Variants in TOP2B observed in about 807,000 individuals in gnomAD.
TOP2B encodes the protein DNA topoisomerase II beta.
A neutral mutation model predicts 193.5 loss-of-function variants in TOP2B; 51 were observed. That is an observed-to-expected ratio of 0.26 (90% confidence interval 0.21 to 0.33). TOP2B has a LOEUF of 0.33. TOP2B is among the 10% of genes least tolerant of loss of function. The probability of loss-of-function intolerance (pLI) is 1.00; values close to 1 mark genes in which losing one functional copy is unlikely to be tolerated. For synonymous variants in TOP2B, 634 were observed against 635.7 expected (o/e 1.00, Z 0.04); for missense variants, 1,378 against 1,909.3 (o/e 0.72, Z 5.19).
rs929229637 is a variant in TOP2B at position 25,599,327 on chromosome 3, A to G, written c.4710+108T>C. ...AATACAAGCCCCATATTGATACGAG[A>G]TGCTAGGTGGAAAGCTGTTCCAGGA... is the stretch of plus-strand genomic sequence containing the variant. On this transcript the variant is annotated intron_variant, in intron 35 of 35. Coordinates refer to ENST00000264331, the MANE Select transcript of TOP2B (RefSeq NM_001330700.2). The G allele has an allele frequency of 4.0e-5, 36 of 906,858 alleles. No homozygotes were observed. The African/African-American group carries it at 4.6e-4, about 11-fold the overall frequency. 56.2% of individuals were successfully genotyped at this position (906,858 alleles called of 1,614,324 possible).
chr3:25,664,347 C>A lies in TOP2B; in HGVS notation c.-50G>T. The A allele has an allele frequency of 7.0e-7, 1 of 1,420,652 alleles. No individual in the cohort carries two copies. The highest frequency in any genetic ancestry group is 1.5e-5 in the South Asian group (1 of 66,892). The allele number at this position is 1,420,652 out of a possible 1,614,324, so 88.0% of individuals were successfully genotyped here. A position where few individuals can be genotyped will look rare whatever the true frequency, so the allele number is the denominator to read the frequency against. ...CCTGAGGCCGCAGCCGCCGCTCCCGCCTCCCTGCGGGCCGCTGGGCCCCGC... is the reference window on the plus strand; with the variant it reads ...CCTGAGGCCGCAGCCGCCGCTCCCGACTCCCTGCGGGCCGCTGGGCCCCGC... On this transcript the variant is annotated 5_prime_UTR_variant, in exon 1 of 36. Coordinates refer to ENST00000264331, the MANE Select transcript of TOP2B (RefSeq NM_001330700.2).
intron 25 of TOP2B, 82 bp from the exon 26 acceptor site, chr3:25,615,668 A>T: frequency 8.3e-7 from 1 of 1,201,530 alleles, no homozygotes; most frequent in Non-Finnish European, 1.1e-6. Context: ...TTAGTTTAAA[A>T]TTCTACAAGT....
chr3:25,607,453 T>C lies in TOP2B; in HGVS notation c.4094-78A>G, dbSNP rs61208454. The C allele has an allele frequency of 1.3e-4, 183 of 1,440,108 alleles. No individual in the cohort carries two copies. In the African/African-American group the frequency reaches 2.4e-3, roughly 19 times the overall value. The allele number at this position is 1,440,108 out of a possible 1,614,324, so 89.2% of individuals were successfully genotyped here. On this transcript the variant is annotated intron_variant, in intron 30 of 35. Transcript: ENST00000264331. ...ATGAATTATTATTACTGATAAAGCA[T>C]TTGAAGTATATTCCAACCATCTCTA...
At chr3:25,646,176 C>T (rs181006744) in intron 1 of TOP2B, among the ~76,000 whole-genome samples, 1 of 152,202 alleles carries the variant, frequency 6.6e-6, no homozygotes, top group Admixed American at 6.5e-5. Flanking sequence ...GCCCCAAAAG[C>T]TTCCAGATGT....
intron 4 of TOP2B, among the ~76,000 whole-genome samples, chr3:25,639,312 T>C (rs983030259): frequency 6.6e-6 from 1 of 152,190 alleles, no homozygotes; most frequent in Non-Finnish European, 1.5e-5. Flanking sequence ...TCCACGTTTG[T>C]TTTTGTTTTT....
Position 25,598,114 on chromosome 3 carries a change from ACATTT to A in TOP2B, c.*188_*192del, listed in dbSNP as rs1701965260. 1 of 522,052 alleles carries A rather than the reference ACATTT, an allele frequency of 1.9e-6. No individual in the cohort carries two copies. The highest frequency in any genetic ancestry group is 1.9e-5 in the African/African-American group (1 of 51,552). The allele number at this position is 522,052 out of a possible 1,614,324, so 32.3% of individuals were successfully genotyped here. A position where few individuals can be genotyped will look rare whatever the true frequency, so the allele number is the denominator to read the frequency against. The stretch of plus-strand genomic sequence containing the variant: ...CTACAAGCCAATCAGACAGTACGTG[ACATTT>A]CAATGAGTAAAAAAGAGCATAAAAC... On this transcript the variant is annotated 3_prime_UTR_variant, in exon 36 of 36. Coordinates refer to ENST00000264331, the MANE Select transcript of TOP2B (RefSeq NM_001330700.2).
At chr3:25,611,073 G>C (rs995922624) in intron 28 of TOP2B, among the ~76,000 whole-genome samples, 1 of 152,210 alleles carries the variant, frequency 6.6e-6, no homozygotes, top group Non-Finnish European at 1.5e-5. Flanking sequence ...TGCTGAGTTT[G>C]ATGGGCTTCA....
intron 1 of TOP2B, among the ~76,000 whole-genome samples, chr3:25,662,723 G>T (rs1703953875): frequency 6.6e-6 from 1 of 152,132 alleles, no homozygotes; most frequent in African/African-American, 2.4e-5. Flanking sequence ...GCTATCAAAT[G>T]TTAAAGCCAA....
chr3:25,645,559 G>T, intron 1 of TOP2B, 89 bp from the exon 2 acceptor site: 1 of 942,020 alleles, frequency 1.1e-6, no homozygotes, highest in Non-Finnish European at 1.5e-6. Flanking sequence ...CTTTTTTAAT[G>T]GCAAAATTAT....
chr3:25,625,761 T>C (rs1702785015), intron 18 of TOP2B, among the ~76,000 whole-genome samples: 1 of 152,200 alleles, frequency 6.6e-6, no homozygotes, highest in Non-Finnish European at 1.5e-5. Context: ...GTATATGCTA[T>C]CACTGTAATC....
Position 25,609,314 on chromosome 3 carries a change from G to A in TOP2B, c.3962C>T (p.Ser1321Phe). ...GTRVRKTPTS[S>F]GKPSAKKVKK... ...CACTTTCTTTGCACTAGGTTTACCA[G>A]ATGATGTAGGTGTTTTTCTCACTCT... The change falls in exon 30 of 36, where the codon TCT becomes TTT. Residue 1321 changes from serine (S) to phenylalanine (F), a missense_variant. By Grantham distance (155) the Ser-to-Phe change is radical. Transcript: ENST00000264331. 1 of 1,597,028 alleles carries A rather than the reference G, an allele frequency of 6.3e-7. No individual in the cohort carries two copies. The highest frequency in any genetic ancestry group is 1.1e-5 in the South Asian group (1 of 88,726).
chr3:25,625,893 T>C (rs1273780680), intron 18 of TOP2B, among the ~76,000 whole-genome samples: 1 of 152,230 alleles, frequency 6.6e-6, no homozygotes, highest in Admixed American at 6.5e-5. Context: ...TACATAATAA[T>C]TGGTATAGAA....
At chr3:25,649,243 C>T (rs969517305) in intron 1 of TOP2B, among the ~76,000 whole-genome samples, 1 of 152,016 alleles carries the variant, frequency 6.6e-6, no homozygotes, top group African/African-American at 2.4e-5. Flanking sequence ...GCTTAAAGAA[C>T]TTATGGGCCA....
In TOP2B at chr3:25,604,792, TTATC is replaced by T. The variant is rs1456914455; in HGVS notation, c.4453_4456del (p.Asp1485LysfsTer7). 6.2e-7 allele frequency: 1 copy of T among 1,612,950 alleles called. No homozygotes were observed. The highest frequency in any genetic ancestry group is 8.5e-7 in the Non-Finnish European group (1 of 1,179,420). On this transcript the variant is annotated frameshift_variant, in exon 33 of 36. Transcript: ENST00000264331. LOFTEE classifies it high-confidence loss of function. Reference sequence around the variant, plus strand: ...AGCAGCTACCGTTTTACTTGGAACTTTATCTGTCTGTTTCAGACCAAATGATGGT... The same window carrying T: ...AGCAGCTACCGTTTTACTTGGAACTTTGTCTGTTTCAGACCAAATGATGGT...
chr3:25,602,417 A>AAAAG (rs1559490120), intron 33 of TOP2B, among the ~76,000 whole-genome samples: 30 of 69,806 alleles, frequency 4.3e-4, no homozygotes, highest in African/African-American at 2.1e-3. Context: ...AAAGAAAAAG[A>AAAAG]AAAAAAAAAA....
At chr3:25,625,521 A>G (rs1205635857) in intron 18 of TOP2B, among the ~76,000 whole-genome samples, 8 of 141,640 alleles carry the variant, frequency 5.6e-5, no homozygotes, top group Non-Finnish European at 9.1e-5. Context: ...TTCTTAAAAC[A>G]TCATGAGGTT....
chr3:25,664,517 G>C lies in TOP2B; in HGVS notation c.-220C>G, dbSNP rs998562155. The C allele has an allele frequency of 8.6e-7, 1 of 1,164,686 alleles. No homozygotes were observed. The highest frequency in any genetic ancestry group is 1.6e-5 in the African/African-American group (1 of 61,838). 72.1% of individuals were successfully genotyped at this position (1,164,686 alleles called of 1,614,324 possible). A position where few individuals can be genotyped will look rare whatever the true frequency, so the allele number is the denominator to read the frequency against. On this transcript the variant is annotated 5_prime_UTR_variant, in exon 1 of 36. Coordinates refer to ENST00000264331, the MANE Select transcript of TOP2B (RefSeq NM_001330700.2). ...CCCTCAAACTCGAGGCGCGGCGTCC[G>C]CGTCGCCCGGGCCTAGCGCGGCGGC...
intron 1 of TOP2B, among the ~76,000 whole-genome samples, chr3:25,648,582 C>T (rs113496591): frequency 6.5e-4 from 99 of 152,308 alleles, no homozygotes; most frequent in African/African-American, 2.3e-3. Context: ...TGCAGCCAGG[C>T]GCAGTGGCTC....
At chr3:25,612,354 C>T (rs2125354984) in intron 28 of TOP2B, among the ~76,000 whole-genome samples, 161 bp downstream of exon 28, 1 of 152,300 alleles carries the variant, frequency 6.6e-6, no homozygotes, top group Non-Finnish European at 1.5e-5. Flanking sequence ...AATATGTTTT[C>T]CTTCTATAGA....
Sources: allele counts gnomAD v4.1 joint callset (sites outside exome capture counted in the v4.1 genomes callset), GRCh38; gene constraint gnomAD v4.1.1; transcripts MANE v1.5; gene names NCBI Gene and HGNC (gene_info 2026-07-23, HGNC 2026-07-21).